TBXAS1: variants seen among roughly 807,000 people sequenced by gnomAD.
TBXAS1 encodes thromboxane-A synthase.
In TBXAS1, 48 loss-of-function variants were observed where a neutral mutation model predicts 60.7. The ratio of observed to expected loss-of-function variants is 0.79; its 90% CI spans 0.63 to 1.01. TBXAS1 has a LOEUF of 1.01. TBXAS1 is among the 50% of genes least tolerant of loss of function. The pLI is 0.00. For missense variants in TBXAS1, 685 were observed against 686.3 expected (o/e 1.00, Z 0.02); for synonymous variants, 287 against 269.7 (o/e 1.06, Z -0.63).
chr7:139,938,183 C>T (rs1245191763), intron 5 of TBXAS1, among the ~76,000 whole-genome samples: 1 of 152,154 alleles, frequency 6.6e-6, no homozygotes, highest in Non-Finnish European at 1.5e-5. Context: ...CAATTCCTTC[C>T]TCCAAGACTG....
intron 9 of TBXAS1, among the ~76,000 whole-genome samples, chr7:139,983,184 C>T (rs1569522126): frequency 6.6e-6 from 1 of 152,088 alleles, no homozygotes; most frequent in Non-Finnish European, 1.5e-5. Flanking sequence ...TGGTACGCAC[C>T]CTCTGATCTT....
chr7:139,869,419 A>C (rs1194329867), intron 1 of TBXAS1, among the ~76,000 whole-genome samples: 6 of 151,262 alleles, frequency 4.0e-5, no homozygotes, highest in Non-Finnish European at 8.8e-5. Flanking sequence ...ACAGAGTCTC[A>C]CTCTGTCACC....
At chr7:139,984,807 AAAGAAAGAAAAGAAG>A (rs1812292164) in intron 9 of TBXAS1, among the ~76,000 whole-genome samples, 2 of 149,922 alleles carry the variant, frequency 1.3e-5, no homozygotes, top group African/African-American at 4.9e-5. Context: ...GGGAAGGGGG[AAAGAAAGAAAAGAAG>A]AAGAAAGAAA....
At chr7:140,007,705 C>T (rs1814201943) in intron 10 of TBXAS1, among the ~76,000 whole-genome samples, 1 of 152,160 alleles carries the variant, frequency 6.6e-6, no homozygotes, top group Admixed American at 6.5e-5. Context: ...ACACGACTCA[C>T]CCTCCAAAAC....
chr7:139,915,613 T>C lies in TBXAS1; in HGVS notation c.333+4292T>C, dbSNP rs529363378. On this transcript the variant is annotated intron_variant, in intron 4 of 12. Transcript: ENST00000448866. The stretch of plus-strand genomic sequence containing the variant: ...TGGACAGCCTGGTGGAGAAGGGCCC[T>C]GATTTGGGAAGCTGGATTTAGCTCT... Among the ~76,000 whole-genome samples the C allele has an allele frequency of 8.5e-5, 13 of 152,322 alleles. No individual in the cohort carries two copies. The South Asian group carries it at 2.1e-3, about 24-fold the overall frequency.
intron 5 of TBXAS1, among the ~76,000 whole-genome samples, chr7:139,948,970 A>G (rs1438443591): frequency 6.6e-6 from 1 of 152,248 alleles, no homozygotes; most frequent in African/African-American, 2.4e-5. Flanking sequence ...AACATTTTTC[A>G]TATTACATGC....
At chr7:139,817,805 T>G (rs910712791) in intron 4 of TBXAS1, among the ~76,000 whole-genome samples, 5 of 152,240 alleles carry the variant, frequency 3.3e-5, no homozygotes, top group Non-Finnish European at 5.9e-5. Context: ...TATGGTTATT[T>G]CAATAAACTG....
At chr7:139,830,194 C>A (rs2116481889) in intron 1 of TBXAS1, among the ~76,000 whole-genome samples, 1 of 152,260 alleles carries the variant, frequency 6.6e-6, no homozygotes, top group Non-Finnish European at 1.5e-5. Context: ...TTCGCCCTGT[C>A]AGTTAAACTT....
Position 139,999,244 on chromosome 7 carries a change from G to C in TBXAS1, c.1135-7847G>C, listed in dbSNP as rs757886547. Among the ~76,000 whole-genome samples the C allele has an allele frequency of 2.6e-5, 4 of 152,238 alleles. No homozygotes were observed. Among genetic ancestry groups the C allele is most frequent in the Admixed American group, 6.5e-5 (1 of 15,286 alleles). On this transcript the variant is annotated intron_variant, in intron 9 of 12. Transcript: ENST00000448866. The surrounding 1 kb of genome is among the most constrained non-coding windows in gnomAD (Gnocchi z 4.3). ...ACCTTGCCATAAGAACTCAGGGCTG[G>C]CCGGGCGCCATGGCTTACGCCTATA...
intron 1 of TBXAS1, among the ~76,000 whole-genome samples, chr7:139,838,555 TG>T (rs1799216946): frequency 6.6e-6 from 1 of 152,260 alleles, no homozygotes; most frequent in African/African-American, 2.4e-5. Context: ...GAAGATGGAC[TG>T]TTTTTGTATC....
rs1044237998 is a variant in TBXAS1, at chr7:139,891,188, G to A, written c.236+15551G>A. Among the ~76,000 whole-genome samples the A allele has an allele frequency of 1.8e-4, 27 of 151,742 alleles. 1 individual carries two copies. In the South Asian group the frequency reaches 5.0e-3, roughly 28 times the overall value. Reference sequence around the variant, plus strand: ...GGGCATCCTTTTATGGGACCTCTACGGACCTGTGGGAGAACTCTATGGGCT... The same window carrying A: ...GGGCATCCTTTTATGGGACCTCTACAGACCTGTGGGAGAACTCTATGGGCT... On this transcript the variant is annotated intron_variant, in intron 3 of 12. Coordinates refer to ENST00000448866, the MANE Select transcript of TBXAS1 (RefSeq NM_001061.7).
Position 139,864,476 on chromosome 7 carries a change from A to G in TBXAS1, c.90-7759A>G, listed in dbSNP as rs183456622. Among the ~76,000 whole-genome samples the G allele has an allele frequency of 3.5e-4, 54 of 152,318 alleles. 2 individuals are homozygous for G. The East Asian group carries it at 8.3e-3, about 23-fold the overall frequency. On this transcript the variant is annotated intron_variant, in intron 1 of 12. Coordinates refer to ENST00000448866, the MANE Select transcript of TBXAS1 (RefSeq NM_001061.7). The stretch of plus-strand genomic sequence containing the variant: ...TTAATGCAATTCCAGAAAAATCCAA[A>G]TAGCATTTTCTCATCAAATCAGACT...
In TBXAS1 at chr7:139,896,335, T is replaced by C. The variant is rs1804087326; in HGVS notation, c.237-14890T>C. Reference sequence around the variant, plus strand: ...GCAGGTGACCCGACTGTCTGAAGTTTTCCAAACTAACAAGAGGGCAGCCGG... The same window carrying C: ...GCAGGTGACCCGACTGTCTGAAGTTCTCCAAACTAACAAGAGGGCAGCCGG... On this transcript the variant is annotated intron_variant, in intron 3 of 12. Coordinates refer to ENST00000448866, the MANE Select transcript of TBXAS1 (RefSeq NM_001061.7). The surrounding 1 kb of genome is among the most constrained non-coding windows in gnomAD (Gnocchi z 4.0). Among the ~76,000 whole-genome samples the C allele has an allele frequency of 6.6e-6, 1 of 152,084 alleles. No homozygotes were observed. Among genetic ancestry groups the C allele is most frequent in the South Asian group, 2.1e-4 (1 of 4,808 alleles).
chr7:139,813,153 C>T (rs1798062419), intron 4 of TBXAS1, among the ~76,000 whole-genome samples: 1 of 151,874 alleles, frequency 6.6e-6, no homozygotes, highest in Non-Finnish European at 1.5e-5. Context: ...TTGAGAAGAA[C>T]CTGGTGGGTC....
chr7:139,924,233 T>C (rs1806710745), intron 4 of TBXAS1, among the ~76,000 whole-genome samples: 1 of 152,192 alleles, frequency 6.6e-6, no homozygotes, highest in Admixed American at 6.5e-5. Flanking sequence ...TCCAAACTGT[T>C]CTCCATAGTG....
chr7:139,968,440 G>A (rs1225162307), intron 9 of TBXAS1, among the ~76,000 whole-genome samples: 1 of 152,110 alleles, frequency 6.6e-6, no homozygotes, highest in African/African-American at 2.4e-5. Flanking sequence ...AATTACAGGT[G>A]TGTGCCACCA....
At chr7:139,930,245 A>G (rs1807209397) in intron 4 of TBXAS1, among the ~76,000 whole-genome samples, 1 of 152,168 alleles carries the variant, frequency 6.6e-6, no homozygotes, top group Non-Finnish European at 1.5e-5. Context: ...TGTACCGTCC[A>G]GTGTATTTCT....
Position 139,829,388 on chromosome 7 carries a change from A to G in TBXAS1, c.-3A>G, listed in dbSNP as rs374330294. On this transcript the variant is annotated 5_prime_UTR_variant, in exon 1 of 13. An upstream start codon of the reference 5' UTR is lost. Transcript: ENST00000448866. ...ACCACCACTCTGGGGTCTCAGAGGA[A>G]TGATGGAAGCCTTGGGGTTTCTAAA... 4.3e-6 allele frequency: 7 copies of G among 1,613,214 alleles called. No homozygotes were observed. The African/African-American group carries it at 9.3e-5, about 22-fold the overall frequency.
chr7:139,957,524 C>T (rs750613385), intron 7 of TBXAS1, 110 bp from the exon 8 acceptor site: 75 of 1,505,386 alleles, frequency 5.0e-5, no homozygotes, highest in Non-Finnish European at 6.7e-5. Context: ...GGCAGGACTC[C>T]AAAACGGCTC....
Sources: gnomAD v4.1 joint callset for allele counts (sites outside exome capture counted in the v4.1 genomes callset) on GRCh38, gnomAD v4.1.1 for gene constraint, Gnocchi (gnomAD v3.1) non-coding constraint, MANE v1.5 for transcripts, NCBI Gene and HGNC (gene_info 2026-07-23, HGNC 2026-07-21) for gene names.